The following RNF150 variants were observed in gnomAD, a reference collection of about 807,000 sequenced individuals.
RNF150 encodes ring finger protein 150.
Under a neutral mutation model 39.3 loss-of-function variants are expected in RNF150, and 24 were observed. That is an observed-to-expected ratio of 0.61 (90% CI 0.44 to 0.86). The LOEUF (loss-of-function observed/expected upper bound fraction) is 0.86, where lower values mean the gene tolerates loss of function less well. Ranked by LOEUF, RNF150 falls within the 40% of genes least tolerant of loss-of-function variation. The pLI is 0.00. For missense variants in RNF150, 502 were observed against 587.8 expected, an observed-to-expected ratio of 0.85 and a Z score of 1.51; for synonymous variants, 255 against 227.3, an observed-to-expected ratio of 1.12 and a Z score of -1.10.
At chr4:140,939,508 G>T (rs1731993511) in intron 4 of RNF150, among the ~76,000 whole-genome samples, 1 of 152,102 alleles carries the variant, frequency 6.6e-6, no homozygotes, top group African/African-American at 2.4e-5. Flanking sequence ...TTAGAATGGA[G>T]CTTTGCTTCT....
At chr4:140,942,709 G>A (rs2111360947) in intron 4 of RNF150, among the ~76,000 whole-genome samples, 1 of 152,278 alleles carries the variant, frequency 6.6e-6, no homozygotes, top group Admixed American at 6.5e-5. Context: ...ACGCTCCAGT[G>A]AGCATTTCCC....
At chr4:141,043,093 GAATGTCAGTATGTACAAAAA>G (rs1306091846) in intron 1 of RNF150, among the ~76,000 whole-genome samples, 1 of 152,042 alleles carries the variant, frequency 6.6e-6, no homozygotes, top group African/African-American at 2.4e-5. Context: ...AATATAATAT[GAATGTCAGTATGTACAAAAA>G]AATTCAAATA....
chr4:141,122,455 T>C (rs943585683), intron 1 of RNF150, among the ~76,000 whole-genome samples: 5 of 152,254 alleles, frequency 3.3e-5, no homozygotes, highest in African/African-American at 7.2e-5. Context: ...ACCATGCTCC[T>C]GAGTGAGCAA....
intron 6 of RNF150, among the ~76,000 whole-genome samples, chr4:140,869,543 C>T (rs374655524): frequency 6.6e-6 from 1 of 152,108 alleles, no homozygotes; most frequent in African/African-American, 2.4e-5. Flanking sequence ...CAATCCCTAT[C>T]CTGAAGGAGC....
intron 2 of RNF150, among the ~76,000 whole-genome samples, chr4:140,958,824 AG>A (rs1419534487): frequency 6.6e-6 from 1 of 152,132 alleles, no homozygotes; most frequent in African/African-American, 2.4e-5. Context: ...GAGGAGAGAG[AG>A]GTCTGTCATG....
intron 1 of RNF150, among the ~76,000 whole-genome samples, chr4:141,185,028 A>G (rs1727980313): frequency 6.7e-6 from 1 of 150,358 alleles, no homozygotes; most frequent in Admixed American, 6.6e-5. Context: ...TTTTGTTTCC[A>G]TATGTAATTT....
intron 1 of RNF150, among the ~76,000 whole-genome samples, chr4:141,077,899 T>C (rs927468348): frequency 9.8e-5 from 15 of 152,340 alleles, no homozygotes; most frequent in African/African-American, 3.6e-4. Flanking sequence ...CTGCCCATTA[T>C]GGTTGTTTCT....
intron 6 of RNF150, 70 bp downstream of exon 6, chr4:140,911,074 G>T (rs1730577551): frequency 4.8e-6 from 6 of 1,250,298 alleles, no homozygotes; most frequent in Non-Finnish European, 5.8e-6. Context: ...TTGAGGAAAG[G>T]TATTTTTTTC....
At chr4:141,115,134 T>A (rs540939684) in intron 1 of RNF150, among the ~76,000 whole-genome samples, 4 of 152,310 alleles carry the variant, frequency 2.6e-5, no homozygotes, top group African/African-American at 9.6e-5. Context: ...TATTGGAAGT[T>A]CTGGCTAGGG....
chr4:140,999,537 G>A (rs73858691), intron 1 of RNF150, among the ~76,000 whole-genome samples: 3 of 152,094 alleles, frequency 2.0e-5, no homozygotes, highest in African/African-American at 4.8e-5. Flanking sequence ...TGAAGTTAGC[G>A]CTGCTTGTTA....
At chr4:140,935,396 G>A (rs1256176197) in intron 4 of RNF150, among the ~76,000 whole-genome samples, 3 of 151,934 alleles carry the variant, frequency 2.0e-5, no homozygotes, top group East Asian at 1.9e-4. Context: ...TCGTTTGGCT[G>A]GGGCAGCAAA....
intron 1 of RNF150, among the ~76,000 whole-genome samples, chr4:141,043,315 A>G (rs1345374235): frequency 6.6e-6 from 1 of 152,130 alleles, no homozygotes; most frequent in Non-Finnish European, 1.5e-5. Context: ...AATCTCCGAT[A>G]AAAGCAAGAT....
intron 1 of RNF150, among the ~76,000 whole-genome samples, chr4:141,005,290 G>A (rs1320687342): frequency 6.6e-6 from 1 of 152,176 alleles, no homozygotes; most frequent in Non-Finnish European, 1.5e-5. Flanking sequence ...AAGCTCAGGA[G>A]GGGAGATGTA....
intron 1 of RNF150, among the ~76,000 whole-genome samples, chr4:141,013,087 G>A (rs1291244607): frequency 4.6e-5 from 7 of 152,180 alleles, no homozygotes; most frequent in South Asian, 2.1e-4. Flanking sequence ...GACATGAAGT[G>A]TTGGAGGATA....
chr4:140,937,166 C>T (rs997050876), intron 4 of RNF150, among the ~76,000 whole-genome samples: 2 of 152,076 alleles, frequency 1.3e-5, no homozygotes, highest in Non-Finnish European at 2.9e-5. Flanking sequence ...TGATGAAAAA[C>T]TGGAAGCAAT....
chr4:140,978,062 A>T (rs1733727128), intron 1 of RNF150, among the ~76,000 whole-genome samples: 1 of 152,200 alleles, frequency 6.6e-6, no homozygotes, highest in Admixed American at 6.5e-5. Flanking sequence ...ACTTAAATTG[A>T]TAGGACTAAT....
chr4:140,932,144 C>T (rs573216584), intron 4 of RNF150, among the ~76,000 whole-genome samples: 2 of 152,296 alleles, frequency 1.3e-5, no homozygotes, highest in South Asian at 4.1e-4. Flanking sequence ...ACTCAGGTAC[C>T]TGAGAATCCC....
Position 141,133,118 on chromosome 4 carries a change from G to T in RNF150, c.-310C>A, listed in dbSNP as rs909509874. Reference sequence around the variant, plus strand: ...CTGCTGCCGAGCGTCCTGCTCCTTCGCCCGGCTTCGCCTTCTCTCATAAGG... The same window carrying T: ...CTGCTGCCGAGCGTCCTGCTCCTTCTCCCGGCTTCGCCTTCTCTCATAAGG... On this transcript the variant is annotated 5_prime_UTR_variant, in exon 1 of 7. Coordinates refer to ENST00000515673, the MANE Select transcript of RNF150 (RefSeq NM_020724.2). 29 of 320,394 alleles carry T rather than the reference G, an allele frequency of 9.1e-5. No individual in the cohort carries two copies. The highest frequency in any genetic ancestry group is 5.9e-4 in the African/African-American group (26 of 43,954). The allele number at this position is 320,394 out of a possible 1,614,324, so 19.8% of individuals were successfully genotyped here.
At chr4:140,950,296 A>G (rs1372548594) in intron 2 of RNF150, among the ~76,000 whole-genome samples, 2 of 152,220 alleles carry the variant, frequency 1.3e-5, no homozygotes, top group Non-Finnish European at 2.9e-5. Flanking sequence ...GCTTTCACTA[A>G]TTTTGTTCCT....
Sources: allele counts gnomAD v4.1 joint callset (sites outside exome capture counted in the v4.1 genomes callset), GRCh38; gene constraint gnomAD v4.1.1; transcripts MANE v1.5; gene names NCBI Gene and HGNC (gene_info 2026-07-23, HGNC 2026-07-21).